The following ATXN2 variants were observed in gnomAD, a reference collection of about 807,000 sequenced individuals.
ATXN2 encodes ataxin 2.
In ATXN2, 37 loss-of-function variants were observed where a neutral mutation model predicts 138.6. The observed-to-expected ratio is 0.27, with a 90% CI of 0.21 to 0.35. The LOEUF is 0.35. ATXN2 is among the 10% of genes least tolerant of loss of function. The probability of loss-of-function intolerance (pLI) is 1.00; values close to 1 mark genes in which losing one functional copy is unlikely to be tolerated. For missense variants in ATXN2, 1,216 were observed against 1,480.3 expected, an observed-to-expected ratio of 0.82 and a Z score of 2.93; for synonymous variants, 549 against 543.7, an observed-to-expected ratio of 1.01 and a Z score of -0.13.
At chr12:111,568,767 C>T (rs377318119) in intron 1 of ATXN2, among the ~76,000 whole-genome samples, 1 of 152,194 alleles carries the variant, frequency 6.6e-6, no homozygotes, top group Non-Finnish European at 1.5e-5. Flanking sequence ...ATCAGTTAGA[C>T]AATTAACTAA....
upstream of ATXN2, chr12:111,599,321 G>A (rs1290735356): frequency 1.2e-4 from 138 of 1,168,806 alleles, no homozygotes; most frequent in Non-Finnish European, 1.3e-4. Flanking sequence ...GCTCTGCCGG[G>A]AGGGAGGGGG....
intron 14 of ATXN2, among the ~76,000 whole-genome samples, chr12:111,504,556 C>A (rs1333700803): frequency 2.0e-5 from 3 of 152,128 alleles, no homozygotes; most frequent in Non-Finnish European, 4.4e-5. Context: ...TCCCAAAGTG[C>A]TGGGATTACA....
At chr12:111,550,171 C>T (rs1004480469) in intron 5 of ATXN2, among the ~76,000 whole-genome samples, 1 of 151,800 alleles carries the variant, frequency 6.6e-6, no homozygotes, top group South Asian at 2.1e-4. Context: ...TAGCAAAATA[C>T]ACCCATCCCC....
chr12:111,592,720 T>A (rs748561832), intron 1 of ATXN2, among the ~76,000 whole-genome samples: 1 of 134,292 alleles, frequency 7.4e-6, no homozygotes, highest in Non-Finnish European at 1.5e-5. Context: ...GAGGCAAAGG[T>A]TGCAGTAAGC....
chr12:111,519,353 C>A (rs1227808327), intron 8 of ATXN2, among the ~76,000 whole-genome samples: 1 of 152,174 alleles, frequency 6.6e-6, no homozygotes, highest in Non-Finnish European at 1.5e-5. Flanking sequence ...ATGCAACAAC[C>A]AGCCCTCTCC....
chr12:111,581,552 G>A (rs1014972871), intron 1 of ATXN2: 34 of 958,758 alleles, frequency 3.5e-5, no homozygotes, highest in Admixed American at 1.5e-4. Flanking sequence ...CGACCATGTC[G>A]TCTGGTCCCT....
intron 5 of ATXN2, among the ~76,000 whole-genome samples, chr12:111,550,272 A>T (rs1183814405): frequency 6.6e-6 from 1 of 152,152 alleles, no homozygotes; most frequent in East Asian, 1.9e-4. Flanking sequence ...AGAAATGAAG[A>T]TCTAATAAAG....
chr12:111,518,539 A>G, intron 8 of ATXN2, 112 bp from the exon 9 acceptor site: 1 of 1,080,834 alleles, frequency 9.3e-7, no homozygotes, highest in Non-Finnish European at 1.3e-6. Context: ...AAGGTTCTAC[A>G]CTAAACCAAA....
At chr12:111,595,834 C>A (rs1038841836) in intron 1 of ATXN2, among the ~76,000 whole-genome samples, 3 of 147,154 alleles carry the variant, frequency 2.0e-5, no homozygotes, top group African/African-American at 5.4e-5. Flanking sequence ...CCGAGGCTGG[C>A]GAATCACTTG....
intron 18 of ATXN2, among the ~76,000 whole-genome samples, chr12:111,477,617 G>T (rs1333991024): frequency 6.6e-6 from 1 of 151,808 alleles, no homozygotes; most frequent in African/African-American, 2.4e-5. Context: ...AACAATACTG[G>T]CTCTTCAAAA....
At position 111,555,935 on chromosome 12, in the gene ATXN2, A is replaced by G; in HGVS notation, c.252-16T>C. On this transcript the variant is annotated splice_polypyrimidine_tract_variant and intron_variant, in intron 1 of 24. Coordinates refer to ENST00000673436, the MANE Select transcript of ATXN2 (RefSeq NM_001372574.1). ...GTTTCGACCTCTGAAAAGATTAAAT[A>G]TTATTTTTATTAAATTCAACAGGCT... 1 of 1,564,676 alleles carries G rather than the reference A, an allele frequency of 6.4e-7. No individual in the cohort carries two copies. The highest frequency in any genetic ancestry group is 8.7e-7 in the Non-Finnish European group (1 of 1,150,126).
At chr12:111,558,377 G>C (rs1882500923) in intron 1 of ATXN2, among the ~76,000 whole-genome samples, 1 of 152,092 alleles carries the variant, frequency 6.6e-6, no homozygotes, top group Admixed American at 6.6e-5. Context: ...GCATATTTTA[G>C]ACCTAAGTAT....
intron 14 of ATXN2, among the ~76,000 whole-genome samples, chr12:111,489,346 G>T (rs1328379311): frequency 2.0e-5 from 3 of 152,116 alleles, no homozygotes; most frequent in Non-Finnish European, 2.9e-5. Flanking sequence ...CGGGCACGGT[G>T]GCTCACGCCT....
rs1310033801 is a variant in ATXN2, at chr12:111,500,649, C to A, written c.1935+8900G>T. Among the ~76,000 whole-genome samples, 3 of 152,248 alleles carry A rather than the reference C, an allele frequency of 2.0e-5. No individual in the cohort carries two copies. In the South Asian group the frequency reaches 6.2e-4, roughly 32 times the overall value. ...CAGCACTTTGGGAGGCTGTGGCAGC[C>A]GGATCACAAGGTCAAGAGATCAAGA... On this transcript the variant is annotated intron_variant, in intron 14 of 24. Coordinates refer to ENST00000673436, the MANE Select transcript of ATXN2 (RefSeq NM_001372574.1).
chr12:111,475,396 A>G (rs1398178806), intron 18 of ATXN2, among the ~76,000 whole-genome samples: 2 of 148,608 alleles, frequency 1.3e-5, no homozygotes, highest in Admixed American at 6.6e-5. Flanking sequence ...AAAAAAAAAA[A>G]GACTTCAACA....
rs695871 is a variant in ATXN2, at chr12:111,599,196, G to C, written c.-162C>G. On this transcript the variant is annotated 5_prime_UTR_variant, in exon 1 of 25. Coordinates refer to ENST00000673436, the MANE Select transcript of ATXN2 (RefSeq NM_001372574.1). ...CCCGGGCTGGCGAGGGGGAGAAGGA[G>C]GACGACGAAGGGGCGGGGAGGCCCG... 890,688 of 1,209,904 alleles carry C rather than the reference G, an allele frequency of 0.74. 341,473 individuals carry two copies. Among genetic ancestry groups the C allele is most frequent in the Non-Finnish European group, 0.78 (766,354 of 976,466 alleles). The allele number at this position is 1,209,904 out of a possible 1,614,324, so 74.9% of individuals were successfully genotyped here.
chr12:111,503,658 C>T (rs1408430733), intron 14 of ATXN2, among the ~76,000 whole-genome samples: 2 of 151,384 alleles, frequency 1.3e-5, no homozygotes, highest in East Asian at 1.9e-4. Context: ...GATGCAATCT[C>T]GGATCACTGC....
chr12:111,488,455 C>A, intron 15 of ATXN2, 21 bp downstream of exon 15: 1 of 1,586,966 alleles, frequency 6.3e-7, no homozygotes, highest in South Asian at 1.2e-5. Context: ...ACAGGATGGT[C>A]TAAGTTCCAG....
chr12:111,461,054 C>T (rs1875542146), intron 21 of ATXN2: 1 of 152,128 alleles, frequency 6.6e-6, no homozygotes, highest in South Asian at 2.1e-4. Context: ...ATGTATCATA[C>T]GTTGTAAACA....
Sources: gnomAD v4.1 joint callset for allele counts (sites outside exome capture counted in the v4.1 genomes callset) on GRCh38, gnomAD v4.1.1 for gene constraint, MANE v1.5 for transcripts, NCBI Gene and HGNC (gene_info 2026-07-23, HGNC 2026-07-21) for gene names.